OR7C1: variants seen among roughly 807,000 people sequenced by gnomAD.
The protein encoded by OR7C1 is olfactory receptor 7C1.
For synonymous variants in OR7C1, 152 were observed against 160.7 expected, an observed-to-expected ratio of 0.95 and a Z score of 0.41; for missense variants, 324 against 383.3, an observed-to-expected ratio of 0.85 and a Z score of 1.29.
rs373552926 is a variant in OR7C1, at chr19:14,800,057, A to G, written c.80T>C (p.Leu27Pro). ...GTACATGGAGAGGAACAGCCCAAAG[A>G]GAATGAACTGAATCTCTGACGTTGC... Residue 27 changes from leucine (L) to proline (P), a missense_variant, in exon 5 of 5, where the codon CTC becomes CCC. Physicochemically the swap from Leu to Pro is moderately conservative, Grantham distance 98. Transcript: ENST00000641666. 8.7e-6 allele frequency: 14 copies of G among 1,612,318 alleles called. No homozygotes were observed. The African/African-American group carries it at 1.7e-4, about 20-fold the overall frequency.
chr19:14,819,295 A>AT (rs970838498), intron 1 of OR7C1, among the ~76,000 whole-genome samples: 76 of 151,696 alleles, frequency 5.0e-4, no homozygotes, highest in Non-Finnish European at 8.1e-4. Context: ...TGCATTAGCT[A>AT]TTTTTTTTAA....
chr19:14,833,227 C>T (rs2044851168), intron 1 of OR7C1, among the ~76,000 whole-genome samples: 1 of 152,170 alleles, frequency 6.6e-6, no homozygotes, highest in African/African-American at 2.4e-5. Flanking sequence ...GCCTGTAATC[C>T]CAGCAGTTTG....
exon 5 of OR7C1, chr19:14,799,450 G>A (rs1438865943): frequency 6.2e-7 from 1 of 1,614,070 alleles, no homozygotes; most frequent in African/African-American, 1.3e-5. Flanking sequence ...TCCCAGCTGA[G>A]GAAATCCTCA....
intron 1 of OR7C1, among the ~76,000 whole-genome samples, chr19:14,823,994 C>T (rs557385446): frequency 4.0e-5 from 6 of 150,866 alleles, no homozygotes; most frequent in Non-Finnish European, 8.8e-5. Context: ...TTCCATTGGT[C>T]AATGTGCCCC....
intron 1 of OR7C1, among the ~76,000 whole-genome samples, chr19:14,834,090 T>A (rs10415652): frequency 0.057 from 8,238 of 145,004 alleles, 405 homozygotes; most frequent in African/African-American, 0.14. Flanking sequence ...TGAAACTCCA[T>A]CTCTACAAAA....
chr19:14,798,979 G>T, exon 5 of OR7C1: 1 of 550,798 alleles, frequency 1.8e-6, no homozygotes, highest in Non-Finnish European at 2.9e-6. Flanking sequence ...TGATTTTGAG[G>T]GCTGCTTTTT....
intron 2 of OR7C1, among the ~76,000 whole-genome samples, chr19:14,805,220 T>G (rs1347110000): frequency 2.0e-5 from 3 of 151,372 alleles, no homozygotes. Flanking sequence ...GTACTCCTCC[T>G]GCCTGCAAAA....
intron 1 of OR7C1, among the ~76,000 whole-genome samples, chr19:14,815,379 C>T (rs898207635): frequency 6.6e-6 from 1 of 152,192 alleles, no homozygotes; most frequent in Non-Finnish European, 1.5e-5. Flanking sequence ...TACACATGCA[C>T]CAGGGCCAGC....
intron 1 of OR7C1, among the ~76,000 whole-genome samples, chr19:14,823,091 G>T (rs1673427510): frequency 6.6e-6 from 1 of 152,052 alleles, no homozygotes; most frequent in Admixed American, 6.6e-5. Context: ...CCAGACTACT[G>T]CTTTCTGCCT....
chr19:14,827,882 A>T, intron 1 of OR7C1: 5 of 1,614,240 alleles, frequency 3.1e-6, no homozygotes, highest in South Asian at 1.1e-5. Flanking sequence ...CAAACCGGTC[A>T]TAGGCCATCA....
At chr19:14,828,283 A>G in intron 1 of OR7C1, 1 of 1,566,332 alleles carries the variant, frequency 6.4e-7, no homozygotes, top group Non-Finnish European at 8.7e-7. Context: ...GAAAGAGGGA[A>G]ACGAGACAGG....
chr19:14,828,220 G>A (rs747021255), intron 1 of OR7C1: 3 of 1,612,160 alleles, frequency 1.9e-6, no homozygotes, highest in Non-Finnish European at 2.5e-6. Context: ...TCTGAAATTT[G>A]TGTATCATTT....
intron 2 of OR7C1, among the ~76,000 whole-genome samples, chr19:14,808,099 TAAAA>T (rs35454647): frequency 7.4e-6 from 1 of 135,328 alleles, no homozygotes. Flanking sequence ...TTTAAAGAAA[TAAAA>T]AAAAAAAAAA....
At chr19:14,807,168 G>A (rs567532175) in intron 2 of OR7C1, among the ~76,000 whole-genome samples, 6 of 151,898 alleles carry the variant, frequency 4.0e-5, no homozygotes, top group South Asian at 2.1e-4. Context: ...TTTGTTGGCC[G>A]CATAAATGTC....
intron 1 of OR7C1, chr19:14,824,516 G>A (rs2044756019): frequency 6.6e-6 from 1 of 152,166 alleles, no homozygotes; most frequent in Non-Finnish European, 1.5e-5. Context: ...TTAGGATAAT[G>A]GCCTTGAGTT....
intron 1 of OR7C1, chr19:14,824,109 C>T (rs1364881722): frequency 1.3e-5 from 2 of 152,142 alleles, no homozygotes; most frequent in Non-Finnish European, 2.9e-5. Flanking sequence ...CATGGAGCTC[C>T]CTAACTTTTA....
At chr19:14,828,137 G>A in intron 1 of OR7C1, 3 of 1,614,102 alleles carry the variant, frequency 1.9e-6, no homozygotes, top group African/African-American at 2.7e-5. Context: ...CAGTGACCAG[G>A]TACATGGACA....
At chr19:14,811,629 G>T (rs116021183) in intron 1 of OR7C1, among the ~76,000 whole-genome samples, 1 of 151,870 alleles carries the variant, frequency 6.6e-6, no homozygotes, top group Non-Finnish European at 1.5e-5. Flanking sequence ...CTCAAATAAA[G>T]CCTTTTTACA....
At position 14,816,450 on chromosome 19, in the gene OR7C1, G is replaced by A. The variant is rs548033415; in HGVS notation, c.-622-6457C>T. On this transcript the variant is annotated intron_variant, in intron 1 of 4. Coordinates refer to ENST00000641666, the Ensembl canonical transcript of OR7C1. ...CAGGCAGAAGAAATTGGAAGGAGCC[G>A]ACTTGCTGAGTCTTCCAGCTTTCGT... Among the ~76,000 whole-genome samples, 3 of 152,312 alleles carry A rather than the reference G, an allele frequency of 2.0e-5. No homozygotes were observed. In the East Asian group the frequency reaches 5.8e-4, roughly 29 times the overall value.
Sources: allele counts gnomAD v4.1 joint callset (sites outside exome capture counted in the v4.1 genomes callset), GRCh38; gene constraint gnomAD v4.1.1; transcripts MANE v1.5; gene names NCBI Gene and HGNC (gene_info 2026-07-23, HGNC 2026-07-21).